Variants in PPP1R12B observed in about 807,000 individuals in gnomAD.
The protein encoded by PPP1R12B is protein phosphatase 1 regulatory subunit 12B.
PPP1R12B carries 76 observed loss-of-function variants against 126.1 expected under a neutral mutation model. The ratio of observed to expected loss-of-function variants is 0.60; its 90% CI spans 0.50 to 0.73. The LOEUF (loss-of-function observed/expected upper bound fraction) is 0.73, where lower values mean the gene tolerates loss of function less well. PPP1R12B is among the 30% of genes least tolerant of loss of function. PPP1R12B has a pLI of 0.00. For synonymous variants in PPP1R12B, 356 were observed against 434.7 expected (o/e 0.82, Z 2.25); for missense variants, 1,052 against 1,205.1 (o/e 0.87, Z 1.88).
chr1:202,379,224 T>A (rs974524065), intron 1 of PPP1R12B, among the ~76,000 whole-genome samples: 1 of 152,202 alleles, frequency 6.6e-6, no homozygotes, highest in African/African-American at 2.4e-5. Context: ...TTGTTGCTCC[T>A]CCTGTTTTCT....
At chr1:202,536,039 A>G (rs545261050) in intron 18 of PPP1R12B, among the ~76,000 whole-genome samples, 27 of 152,292 alleles carry the variant, frequency 1.8e-4, no homozygotes, top group African/African-American at 6.5e-4. Context: ...ACTTTAATCA[A>G]CCAAAGTTTA....
At position 202,391,018 on chromosome 1, in the gene PPP1R12B, G is replaced by A. The variant is rs139597759; in HGVS notation, c.292-25769G>A. ...GCATCGCTTGCAGTGAGCTGAGATC[G>A]TGCCACCGCACTGCAGGCTGGGTAA... On this transcript the variant is annotated intron_variant, in intron 1 of 23. Coordinates refer to ENST00000608999, the MANE Select transcript of PPP1R12B (RefSeq NM_002481.4). Among the ~76,000 whole-genome samples, 121 of 152,238 alleles carry A rather than the reference G, an allele frequency of 7.9e-4. 4 individuals are homozygous for A. In the Middle Eastern group the frequency reaches 0.017, roughly 21 times the overall value.
chr1:202,458,672 G>GA (rs113723101), intron 13 of PPP1R12B, among the ~76,000 whole-genome samples: 13 of 151,562 alleles, frequency 8.6e-5, no homozygotes, highest in Middle Eastern at 3.4e-3. Context: ...TAAACTGAAA[G>GA]AAAAAAAAAT....
At chr1:202,446,009 A>G (rs1672183072) in intron 12 of PPP1R12B, among the ~76,000 whole-genome samples, 1 of 152,052 alleles carries the variant, frequency 6.6e-6, no homozygotes, top group Non-Finnish European at 1.5e-5. Context: ...TTGTCAGTTT[A>G]CTAGATTTCT....
chr1:202,458,981 G>T (rs1430135184), intron 13 of PPP1R12B, among the ~76,000 whole-genome samples: 1 of 152,192 alleles, frequency 6.6e-6, no homozygotes, highest in Non-Finnish European at 1.5e-5. Context: ...TGGGGAGTGG[G>T]TTTTACCATT....
intron 21 of PPP1R12B, 145 bp from the exon 22 acceptor site, chr1:202,567,633 G>C (rs1344997685): frequency 3.9e-6 from 3 of 764,144 alleles, no homozygotes; most frequent in East Asian, 2.7e-5. Context: ...ATCAGAACCT[G>C]TTTGCTGGGG....
At chr1:202,550,213 C>T (rs1419731305) in intron 18 of PPP1R12B, among the ~76,000 whole-genome samples, 1 of 152,136 alleles carries the variant, frequency 6.6e-6, no homozygotes, top group African/African-American at 2.4e-5. Flanking sequence ...GTCTGGAGAG[C>T]CTCACTAATT....
chr1:202,431,540 TAAAG>T lies in PPP1R12B; in HGVS notation c.1065_1068del (p.Lys355AsnfsTer87). 2 of 1,613,270 alleles carry T rather than the reference TAAAG, an allele frequency of 1.2e-6. No homozygotes were observed. The highest frequency in any genetic ancestry group is 8.5e-7 in the Non-Finnish European group (1 of 1,179,728). On this transcript the variant is annotated frameshift_variant, in exon 8 of 24. Coordinates refer to ENST00000608999, the MANE Select transcript of PPP1R12B (RefSeq NM_002481.4). LOFTEE classifies it high-confidence loss of function. ...AGTCCCAAGAAATGGAGGAAGAAAA[TAAAG>T]AATCTAGTAGCTCCAGCTCAGAGGA...
chr1:202,354,897 C>T (rs1054886862), intron 1 of PPP1R12B, among the ~76,000 whole-genome samples: 3 of 150,638 alleles, frequency 2.0e-5, no homozygotes, highest in Admixed American at 6.6e-5. Flanking sequence ...GTGATCTCAG[C>T]TCACTGCAAG....
intron 18 of PPP1R12B, among the ~76,000 whole-genome samples, chr1:202,547,423 C>T (rs1389910238): frequency 1.3e-5 from 2 of 152,130 alleles, no homozygotes; most frequent in Non-Finnish European, 2.9e-5. Flanking sequence ...CAACAGCTTT[C>T]TTTGGTTACA....
Position 202,427,164 on chromosome 1 carries a change from A to G in PPP1R12B, c.826A>G (p.Met276Val), listed in dbSNP as rs61736233. 2.0e-4 allele frequency: 328 copies of G among 1,613,984 alleles called. 1 individual carries two copies. The highest frequency in any genetic ancestry group is 6.0e-5 in the Non-Finnish European group (71 of 1,180,030). ...CATCCTGGCAGAAGCACTTTGTGACATGGATATTCGAAATAAACTGGTTAG... is the reference window on the plus strand; with the variant it reads ...CATCCTGGCAGAAGCACTTTGTGACGTGGATATTCGAAATAAACTGGTTAG... ...CSILAEALCD[M>V]DIRNKLGQTP... is the part of the protein sequence containing the mutation. Residue 276 changes from methionine to valine, a missense_variant, in exon 5 of 24, where the codon ATG becomes GTG. By Grantham distance (21) the Met-to-Val change is conservative. Transcript: ENST00000608999.
intron 1 of PPP1R12B, among the ~76,000 whole-genome samples, chr1:202,385,516 G>A (rs552302363): frequency 5.3e-5 from 8 of 152,240 alleles, no homozygotes; most frequent in Admixed American, 3.9e-4. Flanking sequence ...ATTCATTTTA[G>A]TTGTTTCTCG....
intron 13 of PPP1R12B, among the ~76,000 whole-genome samples, chr1:202,480,364 G>A (rs868820523): frequency 3.3e-5 from 5 of 152,188 alleles, no homozygotes; most frequent in Admixed American, 1.3e-4. Flanking sequence ...GAAAAAGCAT[G>A]ATAAATCAGT....
chr1:202,485,131 A>T (rs1019275505), intron 13 of PPP1R12B, among the ~76,000 whole-genome samples: 20 of 152,128 alleles, frequency 1.3e-4, no homozygotes, highest in African/African-American at 4.8e-4. Context: ...ACTGGCCAGC[A>T]GTTAGGCAGT....
chr1:202,431,173 G>T (rs564226353), intron 7 of PPP1R12B, among the ~76,000 whole-genome samples: 12 of 152,050 alleles, frequency 7.9e-5, no homozygotes, highest in Non-Finnish European at 1.5e-4. Context: ...ATGATTCCTG[G>T]CATGTAATAA....
At chr1:202,434,793 G>A (rs779465625) in intron 9 of PPP1R12B, 25 bp downstream of exon 9, 2 of 1,611,078 alleles carry the variant, frequency 1.2e-6, no homozygotes, top group African/African-American at 2.7e-5. Flanking sequence ...CTTAATTTGG[G>A]AATTAGATTT....
chr1:202,372,918 C>A (rs1660543192), intron 1 of PPP1R12B, among the ~76,000 whole-genome samples: 1 of 151,944 alleles, frequency 6.6e-6, no homozygotes, highest in Non-Finnish European at 1.5e-5. Context: ...ATATTAGCAT[C>A]TGTTAATCCT....
At chr1:202,458,961 G>A (rs1396931045) in intron 13 of PPP1R12B, among the ~76,000 whole-genome samples, 2 of 152,240 alleles carry the variant, frequency 1.3e-5, no homozygotes, top group African/African-American at 4.8e-5. Flanking sequence ...TGTAATTAAA[G>A]CACTTCAGTT....
intron 1 of PPP1R12B, among the ~76,000 whole-genome samples, chr1:202,386,657 T>C (rs1215722950): frequency 1.3e-5 from 2 of 152,214 alleles, no homozygotes; most frequent in African/African-American, 4.8e-5. Flanking sequence ...TTGACTTTCT[T>C]TGACATTTGG....
Sources: gnomAD v4.1 joint callset for allele counts (sites outside exome capture counted in the v4.1 genomes callset) on GRCh38, gnomAD v4.1.1 for gene constraint, MANE v1.5 for transcripts, NCBI Gene and HGNC (gene_info 2026-07-23, HGNC 2026-07-21) for gene names.